TTC39C: variants seen among roughly 807,000 people sequenced by gnomAD.
TTC39C encodes the protein tetratricopeptide repeat protein 39C.
A neutral mutation model predicts 76.3 loss-of-function variants in TTC39C; 33 were observed. That is an observed-to-expected ratio of 0.43 (90% CI 0.33 to 0.58). The LOEUF is 0.58. Among genes scored for constraint, TTC39C ranks in the 20% least tolerant of loss-of-function variants. The pLI, the probability that TTC39C is intolerant of heterozygous loss-of-function variation, is 0.04. For synonymous variants in TTC39C, 254 were observed against 260.6 expected (o/e 0.97, Z 0.24); for missense variants, 595 against 701.4 (o/e 0.85, Z 1.71).
At chr18:24,132,461 A>T in intron 13 of TTC39C, 24 bp from the exon 14 acceptor site, 1 of 1,610,078 alleles carries the variant, frequency 6.2e-7, no homozygotes, top group South Asian at 1.1e-5. Context: ...CAGAGTGCAT[A>T]AATATCTTTC....
At chr18:24,059,850 T>C (rs1344816750) in intron 1 of TTC39C, among the ~76,000 whole-genome samples, 1 of 152,182 alleles carries the variant, frequency 6.6e-6, no homozygotes, top group Non-Finnish European at 1.5e-5. Flanking sequence ...TAGTTCCACA[T>C]GGCTGGGGAG....
At chr18:24,017,391 G>A (rs1366848) in intron 1 of TTC39C, among the ~76,000 whole-genome samples, 50,058 of 152,060 alleles carry the variant, frequency 0.33, 9,426 homozygotes, top group East Asian at 0.7. Flanking sequence ...AGGAGTAACA[G>A]TAAGAGTACC....
At chr18:24,116,819 G>GTTTTTTTTTT in intron 7 of TTC39C, among the ~76,000 whole-genome samples, 1 of 95,070 alleles carries the variant, frequency 1.1e-5, no homozygotes, top group Non-Finnish European at 2.0e-5. Flanking sequence ...TGATACCTTA[G>GTTTTTTTTTT]TTTTTTTTTT....
chr18:24,064,723 T>C (rs1378890586), intron 2 of TTC39C, among the ~76,000 whole-genome samples: 3 of 152,144 alleles, frequency 2.0e-5, no homozygotes, highest in Non-Finnish European at 4.4e-5. Flanking sequence ...TTCAAACACA[T>C]AATTTTTTTA....
intron 3 of TTC39C, among the ~76,000 whole-genome samples, chr18:24,067,262 G>GT (rs2084177544): frequency 6.6e-6 from 1 of 152,110 alleles, no homozygotes; most frequent in Non-Finnish European, 1.5e-5. Flanking sequence ...ACCAAGTGCT[G>GT]TTGACTCTTT....
chr18:24,055,744 T>C (rs2084006957), intron 1 of TTC39C, among the ~76,000 whole-genome samples: 1 of 152,192 alleles, frequency 6.6e-6, no homozygotes, highest in Non-Finnish European at 1.5e-5. Context: ...TAAATTTTGA[T>C]GTAGTTCCAT....
At chr18:24,003,052 G>C (rs544775241) in intron 1 of TTC39C, among the ~76,000 whole-genome samples, 72 of 152,218 alleles carry the variant, frequency 4.7e-4, no homozygotes, top group African/African-American at 1.7e-3. Flanking sequence ...TTGCCTAGAG[G>C]CTCCAGGTAA....
Position 24,123,914 on chromosome 18 carries a change from A to C in TTC39C, c.1267A>C (p.Asn423His). ...TCAGAAACTCTTCAAAAGGAAAAACAATCAGATTGAACAGTTCTCGGTGAA... is the reference window on the plus strand; with the variant it reads ...TCAGAAACTCTTCAAAAGGAAAAACCATCAGATTGAACAGTTCTCGGTGAA... ...EVQKLFKRKN[N>H]QIEQFSVKKA... The change falls in exon 9 of 14, where the codon AAT (asparagine) becomes CAT (histidine). Residue 423 changes from asparagine (N) to histidine (H), a missense_variant. Physicochemically the swap from Asn to His is moderately conservative, Grantham distance 68. Coordinates refer to ENST00000317571, the MANE Select transcript of TTC39C (RefSeq NM_001135993.2). 6.2e-7 allele frequency: 1 copy of C among 1,613,002 alleles called. No individual in the cohort carries two copies. The highest frequency in any genetic ancestry group is 8.5e-7 in the Non-Finnish European group (1 of 1,179,634).
intron 3 of TTC39C, among the ~76,000 whole-genome samples, chr18:24,068,374 C>A (rs8089307): frequency 8.7e-4 from 133 of 152,308 alleles, no homozygotes; most frequent in Middle Eastern, 6.8e-3. Context: ...GGAAACACAT[C>A]ATTCTGGCTT....
At chr18:24,098,382 T>TTCTCTCCC (rs1432516742) in intron 6 of TTC39C, among the ~76,000 whole-genome samples, 1 of 103,958 alleles carries the variant, frequency 9.6e-6, no homozygotes, top group African/African-American at 4.4e-5. Flanking sequence ...TTTCTTTTCC[T>TTCTCTCCC]TCCCTCCCTC....
Position 24,019,916 on chromosome 18 carries a change from G to A in TTC39C, c.167+4878G>A, listed in dbSNP as rs752279231. 1.6e-5 allele frequency: 24 copies of A among 1,522,064 alleles called. No individual in the cohort carries two copies. The South Asian group carries it at 2.0e-4, about 12-fold the overall frequency. The allele number at this position is 1,522,064 out of a possible 1,614,324, so 94.3% of individuals were successfully genotyped here. ...GCGCTTCCTGGAGAAACTCAAAGGC[G>A]CTTGTAAGAGATGTTGAGTCAGCAG... On this transcript the variant is annotated intron_variant, in intron 1 of 13. Transcript: ENST00000317571.
chr18:23,996,546 T>C (rs1410110478), intron 1 of TTC39C, among the ~76,000 whole-genome samples: 1 of 152,240 alleles, frequency 6.6e-6, no homozygotes, highest in East Asian at 1.9e-4. Flanking sequence ...CTGCAGGGAA[T>C]ATTTCTGGAA....
rs35218868 is a variant in TTC39C, at chr18:24,082,015, G to GTTT, written c.816-880_816-878dup. On this transcript the variant is annotated intron_variant, in intron 5 of 13. Coordinates refer to ENST00000317571, the MANE Select transcript of TTC39C (RefSeq NM_001135993.2). Reference sequence around the variant, plus strand: ...GGTTAAACATTTTTGTCTGGCTGTTGTTTTTTTTTTTTTTTTTTTTGAGAC... The same window carrying GTTT: ...GGTTAAACATTTTTGTCTGGCTGTTGTTTTTTTTTTTTTTTTTTTTTTTGAGAC... Among the ~76,000 whole-genome samples the GTTT allele has an allele frequency of 4.9e-3, 597 of 120,732 alleles. 4 individuals are homozygous for GTTT. The highest frequency in any genetic ancestry group is 8.0e-3 in the Non-Finnish European group (457 of 57,146). 79.2% of individuals were successfully genotyped at this position (120,732 alleles called of 152,430 possible). A position where few individuals can be genotyped will look rare whatever the true frequency, so the allele number is the denominator to read the frequency against.
chr18:24,056,734 C>T (rs1308423110), intron 1 of TTC39C, among the ~76,000 whole-genome samples: 2 of 151,958 alleles, frequency 1.3e-5, no homozygotes, highest in East Asian at 3.9e-4. Context: ...ATTTTAGAGC[C>T]GTTTTATTAC....
chr18:24,099,436 C>T (rs1428582757), intron 6 of TTC39C: 1 of 151,906 alleles, frequency 6.6e-6, no homozygotes, highest in Non-Finnish European at 1.5e-5. Flanking sequence ...CCTCCTAATA[C>T]AGTTCCAGTG....
chr18:24,046,717 C>T (rs987674469), intron 1 of TTC39C, among the ~76,000 whole-genome samples: 2 of 151,754 alleles, frequency 1.3e-5, no homozygotes, highest in East Asian at 1.9e-4. Flanking sequence ...CTATATTCTT[C>T]TTAGGATAGA....
chr18:24,000,166 C>G (rs546096664), intron 1 of TTC39C, among the ~76,000 whole-genome samples: 161 of 152,278 alleles, frequency 1.1e-3, no homozygotes, highest in African/African-American at 3.3e-3. Context: ...ACTGCTCCCC[C>G]CAACCCCCAA....
rs2145823399 is a variant in TTC39C, at chr18:24,123,779, CT to C, written c.1187-53del. ...TCAAGTATCATCACTTCAGGTATCC[CT>C]TATGGCATTTTCCCTGACTTGTACT... is the stretch of plus-strand genomic sequence containing the variant. On this transcript the variant is annotated intron_variant, in intron 8 of 13. Transcript: ENST00000317571. The C allele has an allele frequency of 3.0e-6, 4 of 1,351,574 alleles. No individual in the cohort carries two copies. In the African/African-American group the frequency reaches 4.5e-5, roughly 15 times the overall value. The allele number at this position is 1,351,574 out of a possible 1,614,324, so 83.7% of individuals were successfully genotyped here.
Position 24,123,847 on chromosome 18 carries a change from C to T in TTC39C, c.1200C>T (p.Ala400=). The change falls in exon 9 of 14, where the codon GCC becomes GCT. Residue 400 remains alanine, a synonymous_variant. Coordinates refer to ENST00000317571, the MANE Select transcript of TTC39C (RefSeq NM_001135993.2). ...GGTTTCTTACAGTTTGTCAGGGAGC[C>T]ACTGGTGATGTGGATGGGGCACAGA... The part of the protein sequence containing the change: ...YAYLTAVCQG[A]TGDVDGAQIV... The T allele has an allele frequency of 1.2e-6, 2 of 1,609,374 alleles. No homozygotes were observed. The highest frequency in any genetic ancestry group is 1.7e-6 in the Non-Finnish European group (2 of 1,178,792).
Sources: gnomAD v4.1 joint callset for allele counts (sites outside exome capture counted in the v4.1 genomes callset) on GRCh38, gnomAD v4.1.1 for gene constraint, MANE v1.5 for transcripts, NCBI Gene and HGNC (gene_info 2026-07-23, HGNC 2026-07-21) for gene names.